LRRTM3: variants seen among roughly 807,000 people sequenced by gnomAD.
LRRTM3 encodes leucine rich repeat transmembrane neuronal 3.
A neutral mutation model predicts 44.7 loss-of-function variants in LRRTM3; 24 were observed. That is an observed-to-expected ratio of 0.54 (90% CI 0.39 to 0.76). The LOEUF (loss-of-function observed/expected upper bound fraction) is 0.76, where lower values mean the gene tolerates loss of function less well. Ranked by LOEUF, LRRTM3 falls within the 30% of genes least tolerant of loss-of-function variation. The pLI is 0.00. For missense variants in LRRTM3, 587 were observed against 702.2 expected, an observed-to-expected ratio of 0.84 and a Z score of 1.85; for synonymous variants, 277 against 278.7, an observed-to-expected ratio of 0.99 and a Z score of 0.06.
intron 2 of LRRTM3, among the ~76,000 whole-genome samples, chr10:67,020,398 C>T (rs998054458): frequency 3.9e-5 from 6 of 152,124 alleles, no homozygotes; most frequent in Admixed American, 3.9e-4. Context: ...TTATTATCTT[C>T]TCTTATGAAT....
chr10:66,950,114 G>T (rs1391152064), intron 2 of LRRTM3, among the ~76,000 whole-genome samples: 1 of 151,972 alleles, frequency 6.6e-6, no homozygotes, highest in Non-Finnish European at 1.5e-5. Context: ...TCTCTAATTT[G>T]CTCAAATTAT....
intron 2 of LRRTM3, among the ~76,000 whole-genome samples, chr10:66,976,106 T>C (rs561660088): frequency 6.6e-5 from 10 of 152,218 alleles, no homozygotes; most frequent in Non-Finnish European, 1.5e-4. Context: ...AGTAGCTTTG[T>C]ATTAATGAAA....
At chr10:67,016,400 G>A (rs1166397305) in intron 2 of LRRTM3, among the ~76,000 whole-genome samples, 1 of 152,102 alleles carries the variant, frequency 6.6e-6, no homozygotes, top group East Asian at 1.9e-4. Flanking sequence ...TATTTAAGGA[G>A]TTTGCATGGA....
chr10:67,037,255 T>C (rs2133131090), intron 2 of LRRTM3, among the ~76,000 whole-genome samples: 1 of 152,282 alleles, frequency 6.6e-6, no homozygotes, highest in South Asian at 2.1e-4. Flanking sequence ...AATGTTACTT[T>C]AGAGATATTT....
intron 2 of LRRTM3, among the ~76,000 whole-genome samples, chr10:66,930,311 C>A (rs559773620): frequency 1.6e-4 from 25 of 152,264 alleles, no homozygotes; most frequent in African/African-American, 5.8e-4. Context: ...GTATTCATGA[C>A]AAAAAGTCAC....
chr10:66,999,868 C>T (rs117319685), intron 2 of LRRTM3, among the ~76,000 whole-genome samples: 4,383 of 152,188 alleles, frequency 0.029, 91 homozygotes, highest in Non-Finnish European at 0.037. Context: ...CTAATAACAG[C>T]AATGTATTCA....
At chr10:67,075,939 C>G (rs1160194271) in intron 2 of LRRTM3, among the ~76,000 whole-genome samples, 3 of 152,202 alleles carry the variant, frequency 2.0e-5, no homozygotes, top group African/African-American at 7.2e-5. Flanking sequence ...TATTTTACAT[C>G]TGCACATGCA....
At chr10:66,994,196 C>A (rs993207677) in intron 2 of LRRTM3, among the ~76,000 whole-genome samples, 3 of 151,946 alleles carry the variant, frequency 2.0e-5, no homozygotes, top group Non-Finnish European at 4.4e-5. Flanking sequence ...TGTAAAGGAG[C>A]AACTACCCAG....
Position 66,950,323 on chromosome 10 carries a change from C to T in LRRTM3, c.1536+21871C>T, listed in dbSNP as rs557078209. Among the ~76,000 whole-genome samples, 436 of 151,934 alleles carry T rather than the reference C, an allele frequency of 2.9e-3. 1 individual carries two copies. The highest frequency in any genetic ancestry group is 1.0e-2 in the African/African-American group (413 of 41,452). ...ATTTACTTATATCTATAATTATCTT[C>T]CTTTCAGGGAAATTTTACAGGGAGG... is the stretch of plus-strand genomic sequence containing the variant. On this transcript the variant is annotated intron_variant, in intron 2 of 2. Transcript: ENST00000361320.
At chr10:66,952,160 G>GGGGT (rs1184389482) in intron 2 of LRRTM3, among the ~76,000 whole-genome samples, 1 of 152,168 alleles carries the variant, frequency 6.6e-6, no homozygotes, top group Non-Finnish European at 1.5e-5. Context: ...CACCACTGGA[G>GGGGT]GGGTGTACAG....
chr10:67,047,547 A>C (rs1854830917), intron 2 of LRRTM3, among the ~76,000 whole-genome samples: 1 of 152,116 alleles, frequency 6.6e-6, no homozygotes, highest in Admixed American at 6.6e-5. Context: ...TTGTCTGACC[A>C]CTTATCTACC....
chr10:66,995,119 A>C (rs58095433), intron 2 of LRRTM3, among the ~76,000 whole-genome samples: 16,573 of 152,164 alleles, frequency 0.11, 1,257 homozygotes, highest in African/African-American at 0.21. Context: ...CTGAGGTGTC[A>C]TTGCTTGAAT....
intron 2 of LRRTM3, among the ~76,000 whole-genome samples, chr10:67,081,634 T>C (rs924738625): frequency 2.6e-5 from 4 of 152,216 alleles, no homozygotes; most frequent in Admixed American, 1.3e-4. Flanking sequence ...CTCATATGTA[T>C]ACCTGTCACT....
chr10:66,946,553 A>T (rs985591617), intron 2 of LRRTM3, among the ~76,000 whole-genome samples: 6 of 152,114 alleles, frequency 3.9e-5, no homozygotes, highest in African/African-American at 1.4e-4. Flanking sequence ...CACTATTCCC[A>T]TACCCAAGGT....
chr10:67,008,864 A>G (rs1852162317), intron 2 of LRRTM3, among the ~76,000 whole-genome samples: 1 of 152,118 alleles, frequency 6.6e-6, no homozygotes, highest in Admixed American at 6.6e-5. Flanking sequence ...TCTTGTTTTA[A>G]TTTTCCTTAA....
intron 2 of LRRTM3, among the ~76,000 whole-genome samples, chr10:67,039,880 A>G (rs1854288839): frequency 6.6e-6 from 1 of 152,174 alleles, no homozygotes; most frequent in Admixed American, 6.5e-5. Context: ...CTGAATACCT[A>G]TGACCTCAAT....
intron 2 of LRRTM3, among the ~76,000 whole-genome samples, chr10:67,097,125 G>C (rs1858045183): frequency 6.6e-6 from 1 of 151,730 alleles, no homozygotes; most frequent in South Asian, 2.1e-4. Context: ...GGTGGCAGGG[G>C]GTTGACTAGT....
intron 2 of LRRTM3, among the ~76,000 whole-genome samples, chr10:66,989,093 A>T (rs1850894520): frequency 6.6e-6 from 1 of 152,016 alleles, no homozygotes; most frequent in African/African-American, 2.4e-5. Context: ...TATTTCCTGG[A>T]AATTGTATCT....
At chr10:66,995,524 C>A (rs1851278797) in intron 2 of LRRTM3, among the ~76,000 whole-genome samples, 1 of 152,154 alleles carries the variant, frequency 6.6e-6, no homozygotes, top group Non-Finnish European at 1.5e-5. Flanking sequence ...TTACCCATAC[C>A]TACCTGTTTA....
Sources: gnomAD v4.1 joint callset for allele counts (sites outside exome capture counted in the v4.1 genomes callset) on GRCh38, gnomAD v4.1.1 for gene constraint, MANE v1.5 for transcripts, NCBI Gene and HGNC (gene_info 2026-07-23, HGNC 2026-07-21) for gene names.